Variants in KLHL13 observed in about 807,000 individuals in gnomAD.
KLHL13 encodes the protein kelch like family member 13.
A neutral mutation model predicts 37.1 loss-of-function variants in KLHL13; 10 were observed. The observed-to-expected ratio is 0.27, with a 90% CI of 0.17 to 0.46. The LOEUF is 0.46. KLHL13 is among the 20% of genes least tolerant of loss of function. KLHL13 has a pLI of 1.00. For missense variants in KLHL13, 360 were observed against 509.3 expected, an observed-to-expected ratio of 0.71 and a Z score of 2.82; for synonymous variants, 163 against 181.2, an observed-to-expected ratio of 0.90 and a Z score of 0.81.
chrX:117,974,520 T>C (rs1239637549), upstream of KLHL13, among the ~76,000 whole-genome samples: 2 of 112,173 alleles, frequency 1.8e-5, no homozygotes, highest in East Asian at 5.5e-4. Context: ...ATCTGTATTT[T>C]AGAAACACAC....
chrX:117,941,083 T>A (rs755192287), intron 2 of KLHL13, among the ~76,000 whole-genome samples: 21 of 111,797 alleles, frequency 1.9e-4, no homozygotes, highest in Non-Finnish European at 4.0e-4. Context: ...TGTGGGTTTG[T>A]CATAAATAAC....
chrX:117,899,802 G>A (rs1309471904), intron 6 of KLHL13, among the ~76,000 whole-genome samples: 1 of 111,927 alleles, frequency 8.9e-6, no homozygotes. Flanking sequence ...CTGGGCTAGA[G>A]CACATTAAAT....
chrX:118,092,647 C>T (rs1389439753), intron 1 of KLHL13, among the ~76,000 whole-genome samples: 1 of 111,683 alleles, frequency 9.0e-6, no homozygotes, highest in Non-Finnish European at 1.9e-5. Flanking sequence ...GTCAATACAA[C>T]AAATTTTCTT....
At chrX:118,020,880 C>T (rs1381626454) in intron 1 of KLHL13, among the ~76,000 whole-genome samples, 10 of 106,641 alleles carry the variant, frequency 9.4e-5, no homozygotes, top group Non-Finnish European at 1.5e-4. Flanking sequence ...TCTCAGCAAA[C>T]TATCACAAGG....
chrX:117,962,987 A>G (rs2053330329), intron 1 of KLHL13, among the ~76,000 whole-genome samples: 1 of 112,431 alleles, frequency 8.9e-6, no homozygotes, highest in African/African-American at 3.2e-5. Context: ...TATTACATTT[A>G]ACTATGCTAA....
At chrX:118,073,601 T>A (rs1228403091) in intron 1 of KLHL13, among the ~76,000 whole-genome samples, 1 of 112,098 alleles carries the variant, frequency 8.9e-6, no homozygotes, top group Non-Finnish European at 1.9e-5. Flanking sequence ...TAGGGGTTGA[T>A]GTTAACATTA....
At chrX:118,011,015 G>T (rs901664409) in intron 1 of KLHL13, among the ~76,000 whole-genome samples, 1 of 110,276 alleles carries the variant, frequency 9.1e-6, no homozygotes, top group East Asian at 2.9e-4. Context: ...CAAGGCTGCA[G>T]TGAGCCATGA....
At chrX:118,027,048 A>G (rs1353445471) in intron 1 of KLHL13, among the ~76,000 whole-genome samples, 1 of 112,018 alleles carries the variant, frequency 8.9e-6, no homozygotes, top group African/African-American at 3.2e-5. Context: ...CAGACTGGTC[A>G]CAAGCAAAAG....
rs144007240 is a variant in KLHL13, at chrX:117,924,263, G to T, written c.241-3893C>A. Among the ~76,000 whole-genome samples the T allele has an allele frequency of 9.4e-3, 1,047 of 111,966 alleles. 17 individuals are homozygous for T. The highest frequency in any genetic ancestry group is 0.031 in the African/African-American group (971 of 30,905). The stretch of plus-strand genomic sequence containing the variant: ...GAAGCTCCTTCTGACTATACACATT[G>T]TTGTGTACAAGAAGGCAGTCATTTC... On this transcript the variant is annotated intron_variant, in intron 2 of 6. Coordinates refer to ENST00000262820, the Ensembl canonical transcript of KLHL13.
chrX:118,016,223 A>G (rs2054127394), intron 1 of KLHL13, among the ~76,000 whole-genome samples: 1 of 111,868 alleles, frequency 8.9e-6, no homozygotes, highest in Non-Finnish European at 1.9e-5. Context: ...CTTGACAAAT[A>G]GTAAAGGCTA....
intron 5 of KLHL13, among the ~76,000 whole-genome samples, chrX:117,906,194 T>C (rs890414678): frequency 1.8e-5 from 2 of 111,294 alleles, no homozygotes; most frequent in African/African-American, 6.5e-5. Context: ...AAAGCGCTTG[T>C]AGGGTAGGGG....
chrX:117,906,974 AT>A (rs1467648133), intron 5 of KLHL13, among the ~76,000 whole-genome samples: 5 of 111,449 alleles, frequency 4.5e-5, no homozygotes, highest in African/African-American at 1.3e-4. Context: ...TAGAGGGGAA[AT>A]TTTTTTAAGT....
intron 1 of KLHL13, among the ~76,000 whole-genome samples, chrX:118,045,006 C>T (rs1052713588): frequency 8.9e-5 from 10 of 111,855 alleles, no homozygotes; most frequent in Admixed American, 7.6e-4. Context: ...ATCCATCTGA[C>T]AAGTGATTAA....
chrX:117,913,340 T>C (rs912802260), intron 4 of KLHL13, among the ~76,000 whole-genome samples: 1 of 112,068 alleles, frequency 8.9e-6, no homozygotes, highest in Non-Finnish European at 1.9e-5. Flanking sequence ...AAATGGATAA[T>C]TGGACTTATA....
At chrX:117,991,775 A>G (rs1271043777) in intron 1 of KLHL13, among the ~76,000 whole-genome samples, 1 of 110,043 alleles carries the variant, frequency 9.1e-6, no homozygotes, top group African/African-American at 3.3e-5. Flanking sequence ...GGAGGTGGAG[A>G]AGAAAGGAAA....
intron 1 of KLHL13, among the ~76,000 whole-genome samples, chrX:118,098,429 G>A (rs926972508): frequency 9.0e-6 from 1 of 110,852 alleles, no homozygotes; most frequent in East Asian, 2.8e-4. Context: ...GAAACAACAG[G>A]TGCTGGAGAG....
intron 1 of KLHL13, among the ~76,000 whole-genome samples, chrX:118,085,554 CACAG>C (rs1244749415): frequency 1.8e-5 from 2 of 110,189 alleles, no homozygotes; most frequent in Non-Finnish European, 3.8e-5. Flanking sequence ...CATGGTACCC[CACAG>C]ACAGTTTTTC....
upstream of KLHL13, among the ~76,000 whole-genome samples, chrX:117,974,432 T>C: frequency 8.9e-6 from 1 of 112,152 alleles, no homozygotes; most frequent in Non-Finnish European, 1.9e-5. Flanking sequence ...CCAACTTAAA[T>C]AGTTAGCGTT....
intron 2 of KLHL13, among the ~76,000 whole-genome samples, chrX:117,924,728 TG>T (rs1188648719): frequency 1.8e-5 from 2 of 111,314 alleles, no homozygotes; most frequent in Middle Eastern, 4.7e-3. Context: ...CTCTGTGCCT[TG>T]GGTTTGATTT....
Sources: allele counts gnomAD v4.1 joint callset (sites outside exome capture counted in the v4.1 genomes callset), GRCh38; gene constraint gnomAD v4.1.1; transcripts MANE v1.5; gene names NCBI Gene and HGNC (gene_info 2026-07-23, HGNC 2026-07-21).